The following PTPRG variants were observed in gnomAD, a reference collection of about 807,000 sequenced individuals.
The protein encoded by PTPRG is receptor-type tyrosine-protein phosphatase gamma.
PTPRG carries 102 observed loss-of-function variants against 165.3 expected under a neutral mutation model. That is an observed-to-expected ratio of 0.62 (90% CI 0.53 to 0.73). PTPRG has a LOEUF of 0.73. Among genes scored for constraint, PTPRG ranks in the 30% least tolerant of loss-of-function variants. PTPRG has a pLI of 0.00. For synonymous variants in PTPRG, 675 were observed against 669.5 expected (o/e 1.01, Z -0.13); for missense variants, 1,866 against 1,861.4 (o/e 1.00, Z -0.05).
rs1699927823 is a variant in PTPRG, at chr3:62,195,137, C to T, written c.1294C>T (p.Arg432Cys). The change falls in exon 10 of 30, where the codon CGC (arginine) becomes TGC (cysteine). Residue 432 changes from arginine to cysteine, a missense_variant. Arg to Cys is a radical substitution (Grantham distance 180, BLOSUM62 -3). Transcript: ENST00000474889. This position sits in a 1 kb window ranked among gnomAD's most constrained non-coding sequence, Gnocchi z 4.4. Reference sequence around the variant, plus strand: ...CCAGGCCGTGTGTCGGAACGACATGCGCAGCGACTTTAGCCAGACGATGCT... The same window carrying T: ...CCAGGCCGTGTGTCGGAACGACATGTGCAGCGACTTTAGCCAGACGATGCT... ...RVQAVCRNDMRSDFSQTMLFQ... is the reference protein window; with the variant it reads ...RVQAVCRNDMCSDFSQTMLFQ... The T allele has an allele frequency of 4.3e-6, 7 of 1,614,186 alleles. No individual in the cohort carries two copies. The highest frequency in any genetic ancestry group is 5.9e-6 in the Non-Finnish European group (7 of 1,180,032).
At chr3:61,648,841 G>A (rs1702274072) in intron 1 of PTPRG, among the ~76,000 whole-genome samples, 1 of 152,208 alleles carries the variant, frequency 6.6e-6, no homozygotes, top group East Asian at 1.9e-4. Flanking sequence ...AGGGTTGGGG[G>A]CTGCTGGTGA....
intron 1 of PTPRG, among the ~76,000 whole-genome samples, chr3:61,600,991 A>G (rs1179956618): frequency 6.6e-6 from 1 of 152,226 alleles, no homozygotes; most frequent in African/African-American, 2.4e-5. Context: ...GTGGTGGCTC[A>G]CGCCTGTGAC....
Position 61,893,464 on chromosome 3 carries a change from T to C in PTPRG, c.191-96161T>C, listed in dbSNP as rs142591059. On this transcript the variant is annotated intron_variant, in intron 2 of 29. Coordinates refer to ENST00000474889, the MANE Select transcript of PTPRG (RefSeq NM_002841.4). The stretch of plus-strand genomic sequence containing the variant: ...GATCCAGAGTGATTACCCAGAGTGA[T>C]TGATTATTGACTGTAGGTGGAAGAG... 3.9e-5 allele frequency among the ~76,000 whole-genome samples: 6 copies of C among 152,344 alleles called. No homozygotes were observed. The East Asian group carries it at 1.2e-3, about 29-fold the overall frequency.
chr3:61,956,292 T>A (rs904558493), intron 2 of PTPRG, among the ~76,000 whole-genome samples: 2 of 112,518 alleles, frequency 1.8e-5, no homozygotes, highest in Non-Finnish European at 3.8e-5. Flanking sequence ...TCTCTCTCTC[T>A]CTCACACACA....
intron 1 of PTPRG, among the ~76,000 whole-genome samples, chr3:61,576,561 T>C (rs1232967636): frequency 2.6e-5 from 4 of 152,240 alleles, no homozygotes; most frequent in African/African-American, 4.8e-5. Flanking sequence ...TTTTTGCTAC[T>C]GAAGCCTGAA....
At chr3:61,662,518 T>C (rs1702694016) in intron 1 of PTPRG, among the ~76,000 whole-genome samples, 1 of 152,248 alleles carries the variant, frequency 6.6e-6, no homozygotes, top group South Asian at 2.1e-4. Flanking sequence ...AAACTGCTCT[T>C]ACATCCATGC....
chr3:62,276,801 T>G, intron 24 of PTPRG, 171 bp from the exon 25 acceptor site: 1 of 582,960 alleles, frequency 1.7e-6, no homozygotes, highest in Non-Finnish European at 3.0e-6. Context: ...CAAAATTTCA[T>G]TTTACATTCT....
intron 1 of PTPRG, among the ~76,000 whole-genome samples, chr3:61,643,970 T>C (rs1211774383): frequency 6.6e-6 from 1 of 152,306 alleles, no homozygotes; most frequent in East Asian, 1.9e-4. Context: ...TTTGTCCTCC[T>C]TCCTGCTCTG....
intron 6 of PTPRG, among the ~76,000 whole-genome samples, chr3:62,155,958 C>A (rs1455716053): frequency 6.6e-6 from 1 of 152,152 alleles, no homozygotes; most frequent in African/African-American, 2.4e-5. Flanking sequence ...AGTCTTATTG[C>A]ATCTCCAACA....
intron 2 of PTPRG, among the ~76,000 whole-genome samples, chr3:61,887,170 A>ATATATATATATATATTTTTTTTTTT (rs60282456): frequency 8.7e-6 from 1 of 115,524 alleles, no homozygotes; most frequent in African/African-American, 3.3e-5. Context: ...ATATATATAT[A>ATATATATATATATATTTTTTTTTTT]TTTTTAATGC....
chr3:62,072,091 G>A (rs1257389151), intron 4 of PTPRG, among the ~76,000 whole-genome samples: 2 of 152,210 alleles, frequency 1.3e-5, no homozygotes, highest in Non-Finnish European at 2.9e-5. Flanking sequence ...AAATGTAAGG[G>A]AGAAGTTGCA....
At chr3:61,981,243 C>A (rs2040637124) in intron 2 of PTPRG, among the ~76,000 whole-genome samples, 1 of 152,196 alleles carries the variant, frequency 6.6e-6, no homozygotes, top group Non-Finnish European at 1.5e-5. Context: ...GACTCACTTT[C>A]CTCCACCTAG....
chr3:61,781,875 G>A (rs2034553796), intron 2 of PTPRG, among the ~76,000 whole-genome samples: 1 of 142,182 alleles, frequency 7.0e-6, no homozygotes, highest in Non-Finnish European at 1.5e-5. Context: ...CCCCAGGCAT[G>A]CACCACCATG....
intron 1 of PTPRG, among the ~76,000 whole-genome samples, chr3:61,698,785 A>G (rs558224788): frequency 3.9e-5 from 6 of 152,344 alleles, no homozygotes; most frequent in East Asian, 1.9e-4. Context: ...TAAATAACAC[A>G]TTTTTATAAA....
At chr3:61,884,700 T>A (rs747545603) in intron 2 of PTPRG, among the ~76,000 whole-genome samples, 4 of 152,204 alleles carry the variant, frequency 2.6e-5, no homozygotes, top group Non-Finnish European at 4.4e-5. Flanking sequence ...CTTTAACTTT[T>A]CTTCTTTGGA....
At chr3:62,185,724 T>A (rs1297226172) in intron 8 of PTPRG, among the ~76,000 whole-genome samples, 1 of 152,262 alleles carries the variant, frequency 6.6e-6, no homozygotes, top group Non-Finnish European at 1.5e-5. Flanking sequence ...ACCATTTTTT[T>A]AACACTGTGT....
intron 2 of PTPRG, among the ~76,000 whole-genome samples, chr3:61,943,541 G>A (rs2039684352): frequency 6.6e-6 from 1 of 152,180 alleles, no homozygotes; most frequent in African/African-American, 2.4e-5. Context: ...TCGCGCCACT[G>A]CACTCCAGCC....
chr3:62,238,917 T>G (rs965221818), intron 14 of PTPRG, among the ~76,000 whole-genome samples: 1 of 152,154 alleles, frequency 6.6e-6, no homozygotes, highest in African/African-American at 2.4e-5. Flanking sequence ...ATAACTAATT[T>G]GGGTCATTAC....
At chr3:61,842,220 C>T (rs1238392776) in intron 2 of PTPRG, among the ~76,000 whole-genome samples, 1 of 152,190 alleles carries the variant, frequency 6.6e-6, no homozygotes, top group South Asian at 2.1e-4. Flanking sequence ...TCAAATATCA[C>T]AATTCTATGT....
Sources: allele counts gnomAD v4.1 joint callset (sites outside exome capture counted in the v4.1 genomes callset), GRCh38; gene constraint gnomAD v4.1.1; non-coding constraint Gnocchi (gnomAD v3.1); transcripts MANE v1.5; gene names NCBI Gene and HGNC (gene_info 2026-07-23, HGNC 2026-07-21).